RIMS2: variants seen among roughly 807,000 people sequenced by gnomAD.
The protein encoded by RIMS2 is regulating synaptic membrane exocytosis protein 2.
RIMS2 carries 59 observed loss-of-function variants against 174.4 expected under a neutral mutation model. That is an observed-to-expected ratio of 0.34 (90% CI 0.27 to 0.42). RIMS2 has a LOEUF of 0.42. RIMS2 is among the 10% of genes least tolerant of loss of function. RIMS2 has a pLI of 1.00. For missense variants in RIMS2, 1,620 were observed against 1,666.3 expected (o/e 0.97, Z 0.48); for synonymous variants, 606 against 572.5 (o/e 1.06, Z -0.84).
chr8:104,098,763 AT>A (rs1403075418), intron 19 of RIMS2, among the ~76,000 whole-genome samples: 12 of 152,174 alleles, frequency 7.9e-5, no homozygotes, highest in Non-Finnish European at 1.3e-4. Context: ...TTAATGAAAC[AT>A]TTATTCAAAG....
chr8:103,845,294 T>TG (rs2098961890), intron 3 of RIMS2, among the ~76,000 whole-genome samples: 1 of 152,136 alleles, frequency 6.6e-6, no homozygotes, highest in Non-Finnish European at 1.5e-5. Context: ...TAGCCAATGG[T>TG]GGTAGGAAAA....
At chr8:103,626,090 C>G (rs937754601) in intron 1 of RIMS2, among the ~76,000 whole-genome samples, 1 of 151,978 alleles carries the variant, frequency 6.6e-6, no homozygotes, top group African/African-American at 2.4e-5. Flanking sequence ...TTATAAATTT[C>G]TTTATATTTT....
At chr8:103,835,325 ACTC>A (rs2098873657) in intron 3 of RIMS2, among the ~76,000 whole-genome samples, 1 of 138,804 alleles carries the variant, frequency 7.2e-6, no homozygotes, top group Admixed American at 7.3e-5. Flanking sequence ...CTTGTCTTGA[ACTC>A]CTGACCTTGT....
rs560789781 is a variant in RIMS2 at position 103,534,882 on chromosome 8, G to A, written c.176+33820G>A. On this transcript the variant is annotated intron_variant, in intron 1 of 23. Transcript: ENST00000504942. ...CTTACAAAGCCTTATTTACTGTCTG[G>A]CACTTTACAGGAAAAAAAGCTTGCC... is the stretch of plus-strand genomic sequence containing the variant. Among the ~76,000 whole-genome samples the A allele has an allele frequency of 5.9e-5, 9 of 152,098 alleles. No homozygotes were observed. The Middle Eastern group carries it at 0.01, about 172-fold the overall frequency.
intron 3 of RIMS2, 47 bp from the exon 7 acceptor site, chr8:103,885,251 T>A: frequency 6.7e-7 from 1 of 1,498,384 alleles, no homozygotes; most frequent in South Asian, 1.4e-5. Flanking sequence ...AATGTAAAAT[T>A]GATAAACTTT....
rs1216919725 is a variant in RIMS2 at position 104,189,730 on chromosome 8, A to G, written c.3335-55186A>G. ...TTCCACAAAATGCAGAATAATGGCT[A>G]CAAAATTATAATTTGAGGTAGTATA... On this transcript the variant is annotated intron_variant, in intron 19 of 23. Transcript: ENST00000504942. Among the ~76,000 whole-genome samples the G allele has an allele frequency of 2.6e-5, 4 of 151,608 alleles. No individual in the cohort carries two copies. The East Asian group carries it at 7.7e-4, about 29-fold the overall frequency.
At chr8:104,101,099 A>G (rs1210344821) in intron 19 of RIMS2, among the ~76,000 whole-genome samples, 1 of 133,218 alleles carries the variant, frequency 7.5e-6, no homozygotes, top group Non-Finnish European at 1.6e-5. Context: ...AATATATAAT[A>G]TTGCATATAT....
chr8:104,062,028 G>GT (rs768956019), intron 19 of RIMS2, among the ~76,000 whole-genome samples: 2 of 151,976 alleles, frequency 1.3e-5, no homozygotes, highest in Admixed American at 6.6e-5. Context: ...TCATTTTTAA[G>GT]TTTTTTTCAT....
intron 1 of RIMS2, among the ~76,000 whole-genome samples, chr8:103,530,319 A>C (rs1836415120): frequency 6.6e-6 from 1 of 152,154 alleles, no homozygotes. Flanking sequence ...GTATTTAATT[A>C]ATTAAAAAAG....
At chr8:103,608,595 T>C (rs1180801807) in intron 1 of RIMS2, among the ~76,000 whole-genome samples, 4 of 148,870 alleles carry the variant, frequency 2.7e-5, no homozygotes, top group East Asian at 3.9e-4. Context: ...CCAGCCTCGC[T>C]GCCGCCTTGC....
intron 19 of RIMS2, among the ~76,000 whole-genome samples, chr8:104,092,541 A>G (rs970953998): frequency 3.9e-5 from 6 of 151,912 alleles, no homozygotes; most frequent in African/African-American, 4.8e-5. Flanking sequence ...ATTTACTTAC[A>G]TTATGCCAGA....
chr8:104,097,291 C>T (rs567263916), intron 19 of RIMS2, among the ~76,000 whole-genome samples: 1 of 152,072 alleles, frequency 6.6e-6, no homozygotes, highest in South Asian at 2.1e-4. Context: ...ATACACATAG[C>T]CTGAAGGTAA....
intron 14 of RIMS2, among the ~76,000 whole-genome samples, chr8:103,954,399 A>T (rs1446804536): frequency 6.6e-6 from 1 of 152,194 alleles, no homozygotes; most frequent in Non-Finnish European, 1.5e-5. Flanking sequence ...CATAACAAAC[A>T]GTCTCTCAGA....
chr8:103,908,915 C>T (rs1421582590), intron 4 of RIMS2, among the ~76,000 whole-genome samples: 1 of 152,082 alleles, frequency 6.6e-6, no homozygotes, highest in Admixed American at 6.5e-5. Context: ...AAAGACCTAC[C>T]TAAGTTGTTC....
intron 1 of RIMS2, among the ~76,000 whole-genome samples, chr8:103,640,437 T>C (rs2096204149): frequency 6.6e-6 from 1 of 152,016 alleles, no homozygotes; most frequent in Admixed American, 6.6e-5. Context: ...ATTTTCTTTT[T>C]CTAGTTTACT....
chr8:103,626,328 G>A (rs2095785171), intron 1 of RIMS2, among the ~76,000 whole-genome samples: 2 of 151,984 alleles, frequency 1.3e-5, no homozygotes, highest in Admixed American at 6.6e-5. Flanking sequence ...ACTCTCTACT[G>A]CCAGTTTTTG....
At chr8:103,719,190 A>G (rs1210109518) in intron 2 of RIMS2, among the ~76,000 whole-genome samples, 1 of 152,198 alleles carries the variant, frequency 6.6e-6, no homozygotes, top group Non-Finnish European at 1.5e-5. Flanking sequence ...GTGATGATGA[A>G]GGAAAGGCCA....
intron 19 of RIMS2, among the ~76,000 whole-genome samples, chr8:104,097,611 CAAAA>C (rs61692286): frequency 2.2e-5 from 3 of 134,596 alleles, no homozygotes; most frequent in African/African-American, 8.1e-5. Context: ...TAAGCAATAG[CAAAA>C]AAAAAAAAAA....
intron 1 of RIMS2, among the ~76,000 whole-genome samples, chr8:103,658,394 G>T (rs967679640): frequency 1.3e-5 from 2 of 152,154 alleles, no homozygotes; most frequent in Non-Finnish European, 2.9e-5. Context: ...GGATGCCAAA[G>T]CACAATAATA....
Sources: allele counts gnomAD v4.1 joint callset (sites outside exome capture counted in the v4.1 genomes callset), GRCh38; gene constraint gnomAD v4.1.1; transcripts MANE v1.5; gene names NCBI Gene and HGNC (gene_info 2026-07-23, HGNC 2026-07-21).